The following LNPEP variants were observed in gnomAD, a reference collection of about 807,000 sequenced individuals.
LNPEP encodes leucyl-cystinyl aminopeptidase.
LNPEP carries 64 observed loss-of-function variants against 120.6 expected under a neutral mutation model. The observed-to-expected ratio is 0.53, with a 90% CI of 0.43 to 0.65. LNPEP has a LOEUF of 0.65. Ranked by LOEUF, LNPEP falls within the 30% of genes least tolerant of loss-of-function variation. The probability of loss-of-function intolerance (pLI) is 0.00; values close to 1 mark genes in which losing one functional copy is unlikely to be tolerated. For missense variants in LNPEP, 1,057 were observed against 1,200.0 expected, an observed-to-expected ratio of 0.88 and a Z score of 1.76; for synonymous variants, 435 against 425.4, an observed-to-expected ratio of 1.02 and a Z score of -0.28.
intron 1 of LNPEP, among the ~76,000 whole-genome samples, chr5:96,972,993 A>G (rs1789906266): frequency 6.6e-6 from 1 of 152,142 alleles, no homozygotes; most frequent in Non-Finnish European, 1.5e-5. Flanking sequence ...AGCACAATAT[A>G]CTAGGGGTAA....
At chr5:97,010,934 A>G in intron 11 of LNPEP, 2 of 985,418 alleles carry the variant, frequency 2.0e-6, no homozygotes, top group Non-Finnish European at 2.4e-6. Flanking sequence ...TCTTTAAATG[A>G]TAACTCTGTC....
intron 1 of LNPEP, among the ~76,000 whole-genome samples, chr5:96,949,887 A>C (rs908558625): frequency 7.2e-5 from 11 of 152,278 alleles, no homozygotes; most frequent in Admixed American, 6.5e-4. Context: ...CTTAAATTAG[A>C]GGTCAGTCAG....
chr5:96,939,386 G>A (rs1191467170), intron 1 of LNPEP, among the ~76,000 whole-genome samples: 1 of 151,840 alleles, frequency 6.6e-6, no homozygotes, highest in Non-Finnish European at 1.5e-5. Flanking sequence ...AATAATTTTT[G>A]TATTTCTAGT....
At chr5:97,001,659 TGAG>T (rs764682419) in intron 8 of LNPEP, among the ~76,000 whole-genome samples, 52 of 151,996 alleles carry the variant, frequency 3.4e-4, no homozygotes, top group Admixed American at 3.3e-4. Flanking sequence ...CATTGGAAGA[TGAG>T]GAGGATTCAG....
At chr5:97,002,661 T>A (rs1419768088) in intron 8 of LNPEP, among the ~76,000 whole-genome samples, 5 of 152,228 alleles carry the variant, frequency 3.3e-5, no homozygotes, top group Non-Finnish European at 7.3e-5. Flanking sequence ...CTTTTTCCTC[T>A]CAGCTTACTG....
At chr5:96,959,178 A>G (rs751033310) in intron 1 of LNPEP, among the ~76,000 whole-genome samples, 3 of 152,138 alleles carry the variant, frequency 2.0e-5, no homozygotes, top group Non-Finnish European at 4.4e-5. Flanking sequence ...CCTAGGGATT[A>G]GGACATGGAC....
At chr5:97,010,526 C>T in intron 11 of LNPEP, 1 of 984,806 alleles carries the variant, frequency 1.0e-6, no homozygotes, top group Non-Finnish European at 1.2e-6. Context: ...GATGCTAGCC[C>T]TCTGGAGCAA....
At position 97,031,533 on chromosome 5, in the gene LNPEP, A is replaced by T. The variant is rs1337550746; in HGVS notation, c.*3000A>T. ...CAGAAGACTCCTGGGTGTACAGAGC[A>T]AATCAAGCTGCATCAGTATTATAGG... On this transcript the variant is annotated 3_prime_UTR_variant, in exon 18 of 18. Transcript: ENST00000231368. 6.6e-6 allele frequency: 1 copy of T among 152,242 alleles called. No homozygotes were observed. The highest frequency in any genetic ancestry group is 2.4e-5 in the African/African-American group (1 of 41,476). 9.4% of individuals were successfully genotyped at this position (152,242 alleles called of 1,614,324 possible). A position where few individuals can be genotyped will look rare whatever the true frequency, so the allele number is the denominator to read the frequency against.
chr5:96,937,623 G>A (rs1788945133), intron 1 of LNPEP: 1 of 152,054 alleles, frequency 6.6e-6, no homozygotes, highest in Non-Finnish European at 1.5e-5. Flanking sequence ...AATGCTTGGA[G>A]TTACCATGTT....
chr5:96,973,870 G>A (rs184344986), intron 1 of LNPEP, among the ~76,000 whole-genome samples: 72 of 152,142 alleles, frequency 4.7e-4, no homozygotes, highest in African/African-American at 1.6e-3. Flanking sequence ...TCATGGCTTC[G>A]CTTTTTGTCC....
intron 12 of LNPEP, 113 bp downstream of exon 12, chr5:97,013,944 C>A (rs1790999453): frequency 1.4e-6 from 1 of 696,444 alleles, no homozygotes; most frequent in Non-Finnish European, 2.2e-6. Context: ...TGGTACAATA[C>A]ATTTTGGAGG....
chr5:96,960,126 T>C (rs967433226), intron 1 of LNPEP, among the ~76,000 whole-genome samples: 8 of 151,686 alleles, frequency 5.3e-5, no homozygotes. Flanking sequence ...TTAGTAGAGA[T>C]GGGGTTTCAC....
chr5:96,977,153 G>A (rs1274847967), intron 1 of LNPEP, among the ~76,000 whole-genome samples: 1 of 152,040 alleles, frequency 6.6e-6, no homozygotes, highest in Non-Finnish European at 1.5e-5. Context: ...TAACCTCATT[G>A]TGATCCATAT....
chr5:97,014,566 G>A (rs27291), intron 12 of LNPEP, among the ~76,000 whole-genome samples: 70,943 of 131,428 alleles, frequency 0.54, 17,889 homozygotes, highest in Middle Eastern at 0.67. Flanking sequence ...ATTAAAAAAA[G>A]AAATCAGATA....
chr5:96,973,411 A>C (rs1178559518), intron 1 of LNPEP, among the ~76,000 whole-genome samples: 1 of 152,112 alleles, frequency 6.6e-6, no homozygotes, highest in Non-Finnish European at 1.5e-5. Flanking sequence ...ATACTTAGTC[A>C]TCACTTTGGA....
At chr5:96,951,267 G>T (rs918993312) in intron 1 of LNPEP, among the ~76,000 whole-genome samples, 2 of 151,634 alleles carry the variant, frequency 1.3e-5, no homozygotes, top group African/African-American at 4.8e-5. Flanking sequence ...TTTTTTGGCG[G>T]GGGGCGCGGG....
chr5:96,989,348 AT>A, intron 4 of LNPEP, among the ~76,000 whole-genome samples: 1 of 21,700 alleles, frequency 4.6e-5, no homozygotes, highest in Admixed American at 7.8e-4. Flanking sequence ...AATATATAAT[AT>A]ATTATATATT....
intron 13 of LNPEP, among the ~76,000 whole-genome samples, chr5:97,019,321 A>G (rs1461233037): frequency 3.9e-5 from 6 of 152,142 alleles, no homozygotes; most frequent in Non-Finnish European, 8.8e-5. Flanking sequence ...CCTTAGAAAA[A>G]CATTTCATTT....
At chr5:96,955,216 A>G (rs1789434095) in intron 1 of LNPEP, among the ~76,000 whole-genome samples, 1 of 152,184 alleles carries the variant, frequency 6.6e-6, no homozygotes, top group Non-Finnish European at 1.5e-5. Flanking sequence ...AATTGTATAT[A>G]AATTGAATTA....
Sources: gnomAD v4.1 joint callset for allele counts (sites outside exome capture counted in the v4.1 genomes callset) on GRCh38, gnomAD v4.1.1 for gene constraint, MANE v1.5 for transcripts, NCBI Gene and HGNC (gene_info 2026-07-23, HGNC 2026-07-21) for gene names.